Variants in CRYL1 observed in about 807,000 individuals in gnomAD.
The protein encoded by CRYL1 is lambda-crystallin homolog.
In CRYL1, 29 loss-of-function variants were observed where a neutral mutation model predicts 36.6. The ratio of observed to expected loss-of-function variants is 0.79; its 90% confidence interval spans 0.59 to 1.08. The LOEUF is 1.08. CRYL1 is among the 50% of genes least tolerant of loss of function. The probability of loss-of-function intolerance (pLI) is 0.00; values close to 1 mark genes in which losing one functional copy is unlikely to be tolerated. For synonymous variants in CRYL1, 152 were observed against 151.5 expected (o/e 1.00, Z -0.02); for missense variants, 411 against 407.9 (o/e 1.01, Z -0.06).
intron 3 of CRYL1, among the ~76,000 whole-genome samples, chr13:20,456,479 CAAAAAAA>C (rs71074301): frequency 2.6e-4 from 26 of 98,766 alleles, no homozygotes; most frequent in South Asian, 1.1e-3. Context: ...CGTCTCAAAA[CAAAAAAA>C]AAAAAAAAAA....
intron 5 of CRYL1, among the ~76,000 whole-genome samples, chr13:20,421,061 CAAACAA>C (rs2031798652): frequency 1.3e-4 from 1 of 7,826 alleles, no homozygotes; most frequent in East Asian, 0.019. Context: ...TAGAAACAAA[CAAACAA>C]AAAAAAAAAT....
intron 3 of CRYL1, among the ~76,000 whole-genome samples, chr13:20,465,860 G>A (rs2032921073): frequency 6.6e-6 from 1 of 151,822 alleles, no homozygotes; most frequent in Admixed American, 6.6e-5. Context: ...GGTCATGGGG[G>A]TGGATCCCAC....
At chr13:20,490,942 G>A (rs2033499279) in intron 2 of CRYL1, among the ~76,000 whole-genome samples, 2 of 152,232 alleles carry the variant, frequency 1.3e-5, no homozygotes. Flanking sequence ...ATCCTGCTCT[G>A]TCGCCCAGGC....
intron 2 of CRYL1, chr13:20,502,508 A>C: frequency 6.6e-6 from 1 of 152,622 alleles, no homozygotes; most frequent in Non-Finnish European, 1.5e-5. Flanking sequence ...AAAAAAAATT[A>C]GCTGGGCGTG....
At chr13:20,418,528 C>T (rs889443927) in intron 5 of CRYL1, 5 of 152,188 alleles carry the variant, frequency 3.3e-5, no homozygotes, top group Non-Finnish European at 7.3e-5. Flanking sequence ...CTACACCGAA[C>T]CATCTTTCCT....
intron 2 of CRYL1, among the ~76,000 whole-genome samples, chr13:20,497,204 G>C (rs2033619666): frequency 6.6e-6 from 1 of 151,924 alleles, no homozygotes. Context: ...ACAGATACCA[G>C]GGGCTTCAGA....
intron 3 of CRYL1, among the ~76,000 whole-genome samples, chr13:20,475,834 C>T (rs1297114665): frequency 1.3e-5 from 2 of 152,160 alleles, no homozygotes; most frequent in African/African-American, 2.4e-5. Context: ...CCTTCAAACG[C>T]GAGCAAAGCA....
chr13:20,424,034 G>T (rs1415905051), intron 5 of CRYL1, among the ~76,000 whole-genome samples: 2 of 152,130 alleles, frequency 1.3e-5, no homozygotes. Context: ...TTCCGAAAGT[G>T]CTGGGATTAC....
chr13:20,429,110 A>G (rs145164014), intron 5 of CRYL1, among the ~76,000 whole-genome samples: 1 of 152,256 alleles, frequency 6.6e-6, no homozygotes, highest in Non-Finnish European at 1.5e-5. Context: ...GGAGCCAGGC[A>G]CTCCGGCCAC....
intron 3 of CRYL1, among the ~76,000 whole-genome samples, chr13:20,462,877 C>G (rs1347009117): frequency 3.3e-5 from 5 of 152,118 alleles, no homozygotes. Context: ...ATAAGAAACT[C>G]TAAAAGTCAA....
intron 1 of CRYL1, among the ~76,000 whole-genome samples, chr13:20,517,341 C>G (rs1165789318): frequency 2.0e-5 from 3 of 152,134 alleles, no homozygotes; most frequent in Non-Finnish European, 4.4e-5. Context: ...TGGCTCACAC[C>G]TGTAACCCTT....
intron 3 of CRYL1, among the ~76,000 whole-genome samples, chr13:20,468,662 G>A (rs1421749188): frequency 6.6e-6 from 1 of 152,106 alleles, no homozygotes; most frequent in Non-Finnish European, 1.5e-5. Context: ...CTGGAGTGCA[G>A]TGGCACAATC....
At chr13:20,478,697 G>A (rs757341397) in intron 3 of CRYL1, among the ~76,000 whole-genome samples, 6 of 151,810 alleles carry the variant, frequency 4.0e-5, no homozygotes, top group African/African-American at 1.5e-4. Context: ...GGCTGGTCTC[G>A]AACTCCTGAG....
chr13:20,435,635 G>T lies in CRYL1; in HGVS notation c.439-3339C>A, dbSNP rs530984409. Among the ~76,000 whole-genome samples the T allele has an allele frequency of 8.1e-4, 124 of 152,308 alleles. No individual in the cohort carries two copies. The highest frequency in any genetic ancestry group is 2.8e-3 in the African/African-American group (117 of 41,574). On this transcript the variant is annotated intron_variant, in intron 4 of 7. Transcript: ENST00000298248. This position sits in a 1 kb window ranked among gnomAD's most constrained non-coding sequence, Gnocchi z 4.0. Reference sequence around the variant, plus strand: ...CCCCAAACCTTCCATGTGGGAGTGTGCGAGGTGGACTCGGAAACACGCCCC... The same window carrying T: ...CCCCAAACCTTCCATGTGGGAGTGTTCGAGGTGGACTCGGAAACACGCCCC...
chr13:20,471,752 A>G (rs2033065213), intron 3 of CRYL1, among the ~76,000 whole-genome samples: 2 of 152,132 alleles, frequency 1.3e-5, no homozygotes, highest in Admixed American at 1.3e-4. Context: ...CAGGAACCCC[A>G]TGGATGCTAA....
chr13:20,406,565 T>C (rs993698888), intron 6 of CRYL1, among the ~76,000 whole-genome samples: 2 of 152,216 alleles, frequency 1.3e-5, no homozygotes, highest in Non-Finnish European at 2.9e-5. Flanking sequence ...TTTCCAGCAC[T>C]GGATACGTAC....
intron 2 of CRYL1, among the ~76,000 whole-genome samples, chr13:20,507,728 C>T (rs553754004): frequency 4.6e-5 from 7 of 151,840 alleles, no homozygotes; most frequent in Admixed American, 3.9e-4. Context: ...ACCATCCTGG[C>T]TAACACAGTG....
At chr13:20,523,974 A>G (rs563583085) in intron 1 of CRYL1, among the ~76,000 whole-genome samples, 1 of 152,330 alleles carries the variant, frequency 6.6e-6, no homozygotes, top group Admixed American at 6.5e-5. Context: ...ATGGACCTAT[A>G]CAAGGCCAAG....
At chr13:20,404,278 G>C (rs888125808) in intron 7 of CRYL1, 36 bp from the exon 8 acceptor site, 2 of 1,359,976 alleles carry the variant, frequency 1.5e-6, no homozygotes, top group African/African-American at 2.9e-5. Context: ...GGACAATAAA[G>C]AGGAAATAAT....
Sources: gnomAD v4.1 joint callset for allele counts (sites outside exome capture counted in the v4.1 genomes callset) on GRCh38, gnomAD v4.1.1 for gene constraint, Gnocchi (gnomAD v3.1) non-coding constraint, MANE v1.5 for transcripts, NCBI Gene and HGNC (gene_info 2026-07-23, HGNC 2026-07-21) for gene names.